Variants in MBD1 observed in about 807,000 individuals in gnomAD.
MBD1 encodes methyl-CpG-binding domain protein 1.
In MBD1, 25 loss-of-function variants were observed where a neutral mutation model predicts 82.6. The observed-to-expected ratio is 0.30, with a 90% confidence interval of 0.22 to 0.42. The LOEUF (loss-of-function observed/expected upper bound fraction) is 0.42, where lower values mean the gene tolerates loss of function less well. MBD1 is among the 10% of genes least tolerant of loss of function. The pLI, the probability that MBD1 is intolerant of heterozygous loss-of-function variation, is 1.00. For missense variants in MBD1, 627 were observed against 819.6 expected, an observed-to-expected ratio of 0.76 and a Z score of 2.87; for synonymous variants, 301 against 303.7, an observed-to-expected ratio of 0.99 and a Z score of 0.09.
chr18:50,279,631 T>C, intron 2 of MBD1: 1 of 471,118 alleles, frequency 2.1e-6, no homozygotes, highest in South Asian at 2.3e-5. Context: ...CAGCTAGAAA[T>C]ACATGCATTG....
At position 50,277,012 on chromosome 18, in the gene MBD1, G is replaced by A; in HGVS notation, c.226-14C>T. On this transcript the variant is annotated splice_polypyrimidine_tract_variant and intron_variant, in intron 3 of 16. Transcript: ENST00000269468. ...CACGGGATGGGCCTGGAAAGTAAGGGAAGGAGGAATATGGGTCAGTGGTTG... is the reference window on the plus strand; with the variant it reads ...CACGGGATGGGCCTGGAAAGTAAGGAAAGGAGGAATATGGGTCAGTGGTTG... 1 of 1,614,246 alleles carries A rather than the reference G, an allele frequency of 6.2e-7. No homozygotes were observed. The highest frequency in any genetic ancestry group is 8.5e-7 in the Non-Finnish European group (1 of 1,180,046).
chr18:50,269,446 T>C lies in MBD1; in HGVS notation c.*405A>G, dbSNP rs1296973378. The C allele has an allele frequency of 3.3e-5, 26 of 790,370 alleles. No homozygotes were observed. The highest frequency in any genetic ancestry group is 4.7e-5 in the Non-Finnish European group (23 of 490,750). The allele number at this position is 790,370 out of a possible 1,614,324, so 49.0% of individuals were successfully genotyped here. ...GCGGAAGTGAAGCAGCAGCACATTG[T>C]TTTTACACTTGGAAGGTTGGTGCTG... On this transcript the variant is annotated 3_prime_UTR_variant, in exon 17 of 17. Transcript: ENST00000269468.
chr18:50,271,655 C>A, intron 15 of MBD1, 115 bp from the exon 16 acceptor site: 5 of 1,125,384 alleles, frequency 4.4e-6, no homozygotes, highest in Admixed American at 1.8e-5. Flanking sequence ...CCTTAATTAT[C>A]CTTTATCTTT....
In MBD1 at chr18:50,273,589, G is replaced by C. The variant is rs532625467; in HGVS notation, c.1421C>G (p.Ala474Gly). 5 of 1,612,908 alleles carry C rather than the reference G, an allele frequency of 3.1e-6. No homozygotes were observed. In the African/African-American group the frequency reaches 6.7e-5, roughly 21 times the overall value. ...SSPVQVPGPVAASTEALLQEA... is the reference protein window; with the variant it reads ...SSPVQVPGPVGASTEALLQEA... Reference sequence around the variant, plus strand: ...CTGCAACAGGGCTTCTGTGGAAGCTGCAACAGGGCCCGGCACCTGCACAGG... The same window carrying C: ...CTGCAACAGGGCTTCTGTGGAAGCTCCAACAGGGCCCGGCACCTGCACAGG... The change falls in exon 12 of 17, where the codon GCA becomes GGA. Residue 474 changes from alanine to glycine, a missense_variant. Physicochemically the swap from Ala to Gly is moderately conservative, Grantham distance 60. Coordinates refer to ENST00000269468, the MANE Select transcript of MBD1 (RefSeq NM_015846.4).
chr18:50,271,199 C>T (rs912670539), intron 16 of MBD1: 1 of 1,304,942 alleles, frequency 7.7e-7, no homozygotes, highest in Admixed American at 3.3e-5. Flanking sequence ...ATTATATTAC[C>T]TTTCTCCAAC....
At chr18:50,274,114 C>A in intron 11 of MBD1, 72 bp downstream of exon 11, 1 of 1,598,388 alleles carries the variant, frequency 6.3e-7, no homozygotes, top group Non-Finnish European at 8.6e-7. Context: ...ACCAAGCCTG[C>A]CCACCACTTC....
At chr18:50,268,278 A>G (rs2034181959), downstream of MBD1, among the ~76,000 whole-genome samples, 1 of 152,228 alleles carries the variant, frequency 6.6e-6, no homozygotes, top group African/African-American at 2.4e-5. Flanking sequence ...GGGATTCCCA[A>G]GGTTGTGCAG....
Position 50,280,000 on chromosome 18 carries a change from A to G in MBD1, c.-8T>C. ...CAGCCAGTCCTCAGCCATGGAGGCCACAGGAAGCAGCAGTAGCCTGAAAGG... is the reference window on the plus strand; with the variant it reads ...CAGCCAGTCCTCAGCCATGGAGGCCGCAGGAAGCAGCAGTAGCCTGAAAGG... On this transcript the variant is annotated 5_prime_UTR_variant, in exon 2 of 17. Transcript: ENST00000269468. 6.2e-7 allele frequency: 1 copy of G among 1,606,636 alleles called. No individual in the cohort carries two copies. Among genetic ancestry groups the G allele is most frequent in the African/African-American group, 1.3e-5 (1 of 75,026 alleles).
chr18:50,269,525 T>C lies in MBD1; in HGVS notation c.*326A>G, dbSNP rs2034583822. On this transcript the variant is annotated 3_prime_UTR_variant, in exon 17 of 17. Coordinates refer to ENST00000269468, the MANE Select transcript of MBD1 (RefSeq NM_015846.4). ...GTTGCCATGTATCTGCTAGATCACCTCGTTGGTGTGGGCAGTAGTCAGGCC... is the reference window on the plus strand; with the variant it reads ...GTTGCCATGTATCTGCTAGATCACCCCGTTGGTGTGGGCAGTAGTCAGGCC... 10 of 717,628 alleles carry C rather than the reference T, an allele frequency of 1.4e-5. No individual in the cohort carries two copies. The South Asian group carries it at 1.5e-4, about 11-fold the overall frequency. The allele number at this position is 717,628 out of a possible 1,614,324, so 44.5% of individuals were successfully genotyped here.
intron 16 of MBD1, 129 bp from the exon 17 acceptor site, chr18:50,269,947 T>C: frequency 7.0e-7 from 1 of 1,424,444 alleles, no homozygotes; most frequent in Admixed American, 1.7e-5. Flanking sequence ...ATCTTTATCT[T>C]AGTGGTTCTG....
chr18:50,280,061 A>C (rs923075121), intron 1 of MBD1, 44 bp from the exon 2 acceptor site: 3 of 1,551,248 alleles, frequency 1.9e-6, no homozygotes, highest in Non-Finnish European at 2.6e-6. Flanking sequence ...GGCTCTAGGA[A>C]GGGACAACAC....
intron 2 of MBD1, among the ~76,000 whole-genome samples, chr18:50,278,401 G>A (rs1451602454): frequency 6.6e-6 from 1 of 152,042 alleles, no homozygotes; most frequent in Non-Finnish European, 1.5e-5. Flanking sequence ...TAACCCAGGA[G>A]TCTTACCCCT....
At chr18:50,271,708 T>C (rs2035622262) in intron 15 of MBD1, among the ~76,000 whole-genome samples, 168 bp from the exon 16 acceptor site, 1 of 152,204 alleles carries the variant, frequency 6.6e-6, no homozygotes, top group Non-Finnish European at 1.5e-5. Flanking sequence ...AGCTTGTACA[T>C]AGTCAGATTA....
In MBD1 at chr18:50,281,445, C is replaced by CCCTCCTCCCCTT; in HGVS notation, c.-120_-109dup. The CCCTCCTCCCCTT allele has an allele frequency of 1.7e-6, 1 of 592,748 alleles. No individual in the cohort carries two copies. The highest frequency in any genetic ancestry group is 3.0e-6 in the Non-Finnish European group (1 of 332,014). The allele number at this position is 592,748 out of a possible 1,614,324, so 36.7% of individuals were successfully genotyped here. ...GGTCCCTCCTGCACCTCCCGCCTCG[C>CCCTCCTCCCCTT]CCTCCTCCCCTTCCTCCTCCTCCGC... On this transcript the variant is annotated 5_prime_UTR_variant, in exon 1 of 17. Transcript: ENST00000269468.
chr18:50,280,024 G>A lies in MBD1; in HGVS notation c.-25-7C>T, dbSNP rs2039593616. The A allele has an allele frequency of 6.3e-7, 1 of 1,597,082 alleles. No homozygotes were observed. Among genetic ancestry groups the A allele is most frequent in the Non-Finnish European group, 8.5e-7 (1 of 1,177,404 alleles). On this transcript the variant is annotated splice_polypyrimidine_tract_variant and splice_region_variant and intron_variant, in intron 1 of 16. Transcript: ENST00000269468. ...CACAGGAAGCAGCAGTAGCCTGAAA[G>A]GGGGTGGAAGGGATGAGGGAAACTG...
chr18:50,268,558 G>A (rs2034271225), downstream of MBD1, among the ~76,000 whole-genome samples: 2 of 152,256 alleles, frequency 1.3e-5, no homozygotes, highest in Non-Finnish European at 2.9e-5. Flanking sequence ...GACGAGCGGT[G>A]CCTCCAGGGC....
intron 2 of MBD1, among the ~76,000 whole-genome samples, chr18:50,278,400 A>G (rs545533807): frequency 6.6e-6 from 1 of 152,084 alleles, no homozygotes; most frequent in Non-Finnish European, 1.5e-5. Flanking sequence ...GTAACCCAGG[A>G]GTCTTACCCC....
rs764575134 is a variant in MBD1 at position 50,273,316 on chromosome 18, A to G, written c.1584+18T>C. ...CACTCCGCTACGGCACCAACAGAAC[A>G]TCCATCACTGCCCCCACCTTGCTAG... On this transcript the variant is annotated intron_variant, in intron 13 of 16. Coordinates refer to ENST00000269468, the MANE Select transcript of MBD1 (RefSeq NM_015846.4). 1 of 1,613,724 alleles carries G rather than the reference A, an allele frequency of 6.2e-7. No individual in the cohort carries two copies. The highest frequency in any genetic ancestry group is 8.5e-7 in the Non-Finnish European group (1 of 1,179,966).
At chr18:50,276,580 A>G (rs2038000662) in intron 5 of MBD1, 82 bp downstream of exon 5, 2 of 1,527,642 alleles carry the variant, frequency 1.3e-6, no homozygotes, top group Admixed American at 3.5e-5. Flanking sequence ...CCTGACATCC[A>G]CATTCAAACC....
Sources: gnomAD v4.1 joint callset for allele counts (sites outside exome capture counted in the v4.1 genomes callset) on GRCh38, gnomAD v4.1.1 for gene constraint, MANE v1.5 for transcripts, NCBI Gene and HGNC (gene_info 2026-07-23, HGNC 2026-07-21) for gene names.